CCM2: variants seen among roughly 807,000 people sequenced by gnomAD.
The protein encoded by CCM2 is cerebral cavernous malformations 2 protein.
Under a neutral mutation model 44.9 loss-of-function variants are expected in CCM2, and 25 were observed. That is an observed-to-expected ratio of 0.56 (90% CI 0.41 to 0.78). The LOEUF (loss-of-function observed/expected upper bound fraction) is 0.78. CCM2 is among the 30% of genes least tolerant of loss of function. The probability of loss-of-function intolerance (pLI) is 0.00; values close to 1 mark genes in which losing one functional copy is unlikely to be tolerated. For synonymous variants in CCM2, 219 were observed against 241.1 expected (o/e 0.91, Z 0.85); for missense variants, 481 against 580.6 (o/e 0.83, Z 1.76).
At chr7:45,043,314 A>G (rs989217330) in intron 2 of CCM2, among the ~76,000 whole-genome samples, 3 of 152,140 alleles carry the variant, frequency 2.0e-5, no homozygotes, top group African/African-American at 7.2e-5. Flanking sequence ...CTGATACCAA[A>G]CCAGACAAAA....
Position 45,076,245 on chromosome 7 carries a change from A to G in CCM2, c.*188A>G, listed in dbSNP as rs1784256350. The G allele has an allele frequency of 3.7e-6, 3 of 810,756 alleles. No homozygotes were observed. The highest frequency in any genetic ancestry group is 6.1e-6 in the Non-Finnish European group (3 of 488,006). The allele number at this position is 810,756 out of a possible 1,614,324, so 50.2% of individuals were successfully genotyped here. A position where few individuals can be genotyped will look rare whatever the true frequency, so the allele number is the denominator to read the frequency against. ...GGAGCTGCCGAGGGACACGAGCCTC[A>G]GTGCGGGGTGGAAGGCTCTTTGCCT... is the stretch of plus-strand genomic sequence containing the variant. On this transcript the variant is annotated 3_prime_UTR_variant, in exon 10 of 10. Transcript: ENST00000258781.
chr7:45,033,385 T>G (rs1797060446), intron 1 of CCM2, among the ~76,000 whole-genome samples: 1 of 152,170 alleles, frequency 6.6e-6, no homozygotes, highest in Non-Finnish European at 1.5e-5. Context: ...GGTGTGGGCT[T>G]CTTGGTTAGA....
intron 1 of CCM2, among the ~76,000 whole-genome samples, chr7:45,028,332 C>G (rs1198826787): frequency 6.6e-6 from 1 of 152,102 alleles, no homozygotes; most frequent in Admixed American, 6.6e-5. Context: ...AGCAAACAGG[C>G]GGTAGTGGGC....
intron 1 of CCM2, among the ~76,000 whole-genome samples, chr7:45,023,964 C>A (rs1796589475): frequency 1.3e-5 from 2 of 151,906 alleles, no homozygotes; most frequent in South Asian, 4.2e-4. Flanking sequence ...ACATGTGCCA[C>A]CACGCCCTGC....
Position 45,075,848 on chromosome 7 carries a change from G to C in CCM2, c.1126G>C (p.Asp376His). 6.2e-7 allele frequency: 1 copy of C among 1,613,714 alleles called. No individual in the cohort carries two copies. The highest frequency in any genetic ancestry group is 8.5e-7 in the Non-Finnish European group (1 of 1,180,026). The change falls in exon 10 of 10, where the codon GAT becomes CAT. Residue 376 changes from aspartate to histidine, a missense_variant. Asp to His is a moderately conservative substitution (Grantham distance 81). Transcript: ENST00000258781. The stretch of plus-strand genomic sequence containing the variant: ...CTTCCTGGAGACCATTGGCGTGAAG[G>C]ATGGCCGCGGCATCATCACTGACAG... ...ENFLETIGVK[D>H]GRGIITDSFG...
upstream of CCM2, chr7:44,999,964 G>T (rs114549764): frequency 3.7e-3 from 1,040 of 279,122 alleles, 14 homozygotes; most frequent in African/African-American, 0.022. Context: ...CGCGTTCTCG[G>T]CCGTCCTGAA....
At chr7:45,055,604 C>G (rs764675446) in intron 2 of CCM2, among the ~76,000 whole-genome samples, 3 of 152,158 alleles carry the variant, frequency 2.0e-5, no homozygotes, top group Non-Finnish European at 4.4e-5. Context: ...CAGATAACTG[C>G]TTGAACCCAG....
intron 1 of CCM2, among the ~76,000 whole-genome samples, chr7:45,015,611 C>G (rs755634145): frequency 6.6e-6 from 1 of 152,186 alleles, no homozygotes; most frequent in African/African-American, 2.4e-5. Context: ...CCCTGGGTAT[C>G]TCAGTTTTCC....
At chr7:45,018,389 G>A (rs903558690) in intron 1 of CCM2, among the ~76,000 whole-genome samples, 8 of 152,062 alleles carry the variant, frequency 5.3e-5, no homozygotes, top group Admixed American at 2.0e-4. Context: ...ATAGAGTCTC[G>A]CTTTGTCACC....
At position 45,038,409 on chromosome 7, in the gene CCM2, A is replaced by G. The variant is rs1188417530; in HGVS notation, c.187A>G (p.Ile63Val). The G allele has an allele frequency of 6.2e-7, 1 of 1,613,950 alleles. No homozygotes were observed. Among genetic ancestry groups the G allele is most frequent in the Non-Finnish European group, 8.5e-7 (1 of 1,180,040 alleles). The change falls in exon 2 of 10, where the codon ATT (isoleucine) becomes GTT (valine). Residue 63 changes from isoleucine to valine, a missense_variant. Transcript: ENST00000258781. ...GCCAGACAGACTGCTGAGCGACTAT[A>G]TTGAGAAGGAGGTAAAGGTAAGTCG... is the stretch of plus-strand genomic sequence containing the variant. The part of the protein sequence containing the change: ...VEPDRLLSDY[I>V]EKEVKYLGQL...
intron 1 of CCM2, among the ~76,000 whole-genome samples, chr7:45,034,457 C>T (rs1180545393): frequency 6.8e-6 from 1 of 148,124 alleles, no homozygotes; most frequent in Non-Finnish European, 1.5e-5. Context: ...AAGTGATTTG[C>T]CAGTCTTGGC....
intron 2 of CCM2, among the ~76,000 whole-genome samples, chr7:45,052,548 G>A (rs376320045): frequency 3.9e-5 from 6 of 152,338 alleles, no homozygotes; most frequent in East Asian, 1.9e-4. Flanking sequence ...CAGTAAGAAC[G>A]TGAACATGTA....
chr7:45,029,631 A>G (rs1433356382), intron 1 of CCM2: 2 of 152,226 alleles, frequency 1.3e-5, no homozygotes, highest in Non-Finnish European at 2.9e-5. Flanking sequence ...GCCCTGACTT[A>G]TAAGTTAGTT....
intron 2 of CCM2, among the ~76,000 whole-genome samples, chr7:45,049,540 G>A (rs1324501948): frequency 1.3e-5 from 2 of 152,012 alleles, no homozygotes; most frequent in Admixed American, 6.6e-5. Context: ...AAACTGCCTC[G>A]TCCATTTTAA....
intron 1 of CCM2, among the ~76,000 whole-genome samples, chr7:45,023,912 G>A (rs945308095): frequency 1.3e-5 from 2 of 148,632 alleles, no homozygotes; most frequent in South Asian, 4.3e-4. Context: ...CCAGGTTCAA[G>A]TGATCCTCCT....
In CCM2 at chr7:45,072,524, G is replaced by A. The variant is rs184518113; in HGVS notation, c.746-202G>A. Reference sequence around the variant, plus strand: ...GCATTTGCCAGGATCCCCAGGAGGGGTGTATGTGGGCTCAAGTCTGGGAAG... The same window carrying A: ...GCATTTGCCAGGATCCCCAGGAGGGATGTATGTGGGCTCAAGTCTGGGAAG... On this transcript the variant is annotated intron_variant, in intron 6 of 9. Transcript: ENST00000258781. 837 of 659,260 alleles carry A rather than the reference G, an allele frequency of 1.3e-3. 3 individuals carry two copies. Among genetic ancestry groups the A allele is most frequent in the Admixed American group, 3.1e-3 (146 of 47,628 alleles). 40.8% of individuals were successfully genotyped at this position (659,260 alleles called of 1,614,324 possible).
intron 2 of CCM2, among the ~76,000 whole-genome samples, chr7:45,050,357 C>T (rs28603332): frequency 0.13 from 20,311 of 152,130 alleles, 1,661 homozygotes; most frequent in Middle Eastern, 0.23. Context: ...TCTCTGTTGT[C>T]GAGTGATGCA....
intron 1 of CCM2, among the ~76,000 whole-genome samples, chr7:45,006,142 A>C (rs1795837588): frequency 6.6e-6 from 1 of 151,832 alleles, no homozygotes; most frequent in Non-Finnish European, 1.5e-5. Context: ...TGAAAACTTC[A>C]AAAGCAAATG....
At chr7:45,008,298 G>A (rs1239717929) in intron 1 of CCM2, among the ~76,000 whole-genome samples, 5 of 151,026 alleles carry the variant, frequency 3.3e-5, no homozygotes, top group South Asian at 2.1e-4. Flanking sequence ...TCGTCCTCCC[G>A]AAGTCCTGAC....
Sources: allele counts gnomAD v4.1 joint callset (sites outside exome capture counted in the v4.1 genomes callset), GRCh38; gene constraint gnomAD v4.1.1; transcripts MANE v1.5; gene names NCBI Gene and HGNC (gene_info 2026-07-23, HGNC 2026-07-21).